Variants in PI4K2A observed in about 807,000 individuals in gnomAD.
PI4K2A encodes the protein phosphatidylinositol 4-kinase type 2-alpha.
In PI4K2A, 20 loss-of-function variants were observed where a neutral mutation model predicts 55.0. The observed-to-expected ratio is 0.36, with a 90% CI of 0.26 to 0.53. The LOEUF (loss-of-function observed/expected upper bound fraction) is 0.53. PI4K2A is among the 20% of genes least tolerant of loss of function. The pLI is 0.91. For missense variants in PI4K2A, 463 were observed against 637.1 expected (o/e 0.73, Z 2.94); for synonymous variants, 235 against 258.5 (o/e 0.91, Z 0.87).
chr10:97,667,196 A>G, intron 8 of PI4K2A, 76 bp downstream of exon 8: 2 of 1,141,178 alleles, frequency 1.8e-6, no homozygotes, highest in Non-Finnish European at 1.3e-6. Flanking sequence ...AAATGTTTGA[A>G]GTTTGTGTTT....
At chr10:97,651,586 G>T (rs2041530329) in intron 2 of PI4K2A, among the ~76,000 whole-genome samples, 1 of 152,170 alleles carries the variant, frequency 6.6e-6, no homozygotes, top group Admixed American at 6.5e-5. Flanking sequence ...TAGAACAATG[G>T]TCTGGCCTGA....
intron 4 of PI4K2A, among the ~76,000 whole-genome samples, chr10:97,660,014 T>G (rs1211133146): frequency 6.7e-6 from 1 of 149,090 alleles, no homozygotes; most frequent in East Asian, 1.9e-4. Flanking sequence ...TTTTTTTTTT[T>G]TTTTTGAGAC....
At chr10:97,664,510 C>A (rs2041600952) in intron 5 of PI4K2A, among the ~76,000 whole-genome samples, 2 of 152,170 alleles carry the variant, frequency 1.3e-5, no homozygotes, top group Admixed American at 1.3e-4. Flanking sequence ...ACAAAAGGAC[C>A]TTGGCCAACT....
chr10:97,671,725 C>T (rs546893933), intron 8 of PI4K2A, among the ~76,000 whole-genome samples: 415 of 152,184 alleles, frequency 2.7e-3, no homozygotes, highest in African/African-American at 8.9e-3. Flanking sequence ...CTGAAACCTC[C>T]GCCTCCCGGG....
chr10:97,665,666 C>T (rs1224523670), intron 6 of PI4K2A, among the ~76,000 whole-genome samples: 1 of 151,802 alleles, frequency 6.6e-6, no homozygotes, highest in Admixed American at 6.6e-5. Context: ...GATCTCGGCT[C>T]ACTGCAACCT....
intron 2 of PI4K2A, among the ~76,000 whole-genome samples, chr10:97,655,603 C>T (rs1055137874): frequency 2.6e-5 from 4 of 151,782 alleles, no homozygotes; most frequent in Non-Finnish European, 5.9e-5. Context: ...GACAGAGTCT[C>T]CCTCTGTCAC....
chr10:97,652,473 T>A (rs989178411), intron 2 of PI4K2A, among the ~76,000 whole-genome samples: 11 of 151,714 alleles, frequency 7.3e-5, no homozygotes, highest in Admixed American at 1.3e-4. Flanking sequence ...TTTTTTTTTT[T>A]AATTTTTTGT....
intron 4 of PI4K2A, among the ~76,000 whole-genome samples, chr10:97,661,589 C>T (rs1259767579): frequency 6.6e-6 from 1 of 151,610 alleles, no homozygotes; most frequent in Non-Finnish European, 1.5e-5. Flanking sequence ...CTCCTGGGCT[C>T]AAGCAGTCCT....
exon 1 of PI4K2A, chr10:97,640,952 C>T: frequency 6.8e-7 from 1 of 1,460,976 alleles, no homozygotes; most frequent in Non-Finnish European, 9.0e-7. Flanking sequence ...GCGCGGCGGC[C>T]CAGGGCCAGA....
chr10:97,654,936 A>G (rs1218509658), intron 2 of PI4K2A, among the ~76,000 whole-genome samples: 3 of 152,190 alleles, frequency 2.0e-5, no homozygotes, highest in East Asian at 3.8e-4. Context: ...TGCTACCCCT[A>G]TCTCCTGGCC....
intron 5 of PI4K2A, 59 bp downstream of exon 5, chr10:97,663,027 CAT>C: frequency 8.8e-7 from 1 of 1,130,918 alleles, no homozygotes; most frequent in South Asian, 1.2e-5. Flanking sequence ...TATAGAAACA[CAT>C]AAAATGGTCA....
intron 1 of PI4K2A, among the ~76,000 whole-genome samples, chr10:97,645,975 G>A (rs1229759932): frequency 6.6e-6 from 1 of 152,104 alleles, no homozygotes; most frequent in African/African-American, 2.4e-5. Flanking sequence ...ATAGAATACA[G>A]CAGTTCTTAG....
intron 2 of PI4K2A, among the ~76,000 whole-genome samples, chr10:97,651,854 C>T (rs1018055732): frequency 3.3e-5 from 5 of 151,554 alleles, no homozygotes; most frequent in African/African-American, 1.2e-4. Context: ...AACCCCTGCA[C>T]TACAAGGTAT....
intron 2 of PI4K2A, among the ~76,000 whole-genome samples, chr10:97,653,785 T>G (rs182497434): frequency 6.6e-6 from 1 of 152,254 alleles, no homozygotes; most frequent in African/African-American, 2.4e-5. Context: ...AGCATGGTGG[T>G]GCGTGCCTGT....
At chr10:97,649,093 A>G (rs910495457) in intron 1 of PI4K2A, among the ~76,000 whole-genome samples, 1 of 152,236 alleles carries the variant, frequency 6.6e-6, no homozygotes, top group East Asian at 1.9e-4. Flanking sequence ...TGGTAAAAGC[A>G]GATGGGTGTA....
chr10:97,665,052 G>C (rs2041603502), intron 6 of PI4K2A, 68 bp downstream of exon 6: 5 of 908,960 alleles, frequency 5.5e-6, no homozygotes, highest in Non-Finnish European at 7.2e-6. Flanking sequence ...GTGCAGTGGA[G>C]ATGATAATGT....
chr10:97,660,921 C>G (rs1003863973), intron 4 of PI4K2A, among the ~76,000 whole-genome samples: 9 of 140,310 alleles, frequency 6.4e-5, no homozygotes, highest in African/African-American at 2.6e-4. Flanking sequence ...CTGCTACCCC[C>G]ATCCCTGCTG....
At chr10:97,655,445 C>A (rs2041549249) in intron 2 of PI4K2A, among the ~76,000 whole-genome samples, 1 of 151,308 alleles carries the variant, frequency 6.6e-6, no homozygotes, top group Non-Finnish European at 1.5e-5. Flanking sequence ...TTGTTTGTCT[C>A]TGGAAAGAAG....
intron 1 of PI4K2A, among the ~76,000 whole-genome samples, chr10:97,648,510 A>G (rs1479937051): frequency 1.3e-5 from 2 of 152,192 alleles, no homozygotes; most frequent in African/African-American, 2.4e-5. Flanking sequence ...ACCATGCCCA[A>G]CTTTTTCTGT....
Sources: gnomAD v4.1 joint callset for allele counts (sites outside exome capture counted in the v4.1 genomes callset) on GRCh38, gnomAD v4.1.1 for gene constraint, MANE v1.5 for transcripts, NCBI Gene and HGNC (gene_info 2026-07-23, HGNC 2026-07-21) for gene names.